MAF: variants seen among roughly 807,000 people sequenced by gnomAD.
The protein encoded by MAF is MAF bZIP transcription factor, also known as transcription factor Maf.
In MAF, 10 loss-of-function variants were observed where a neutral mutation model predicts 22.0. The ratio of observed to expected loss-of-function variants is 0.45; its 90% confidence interval spans 0.28 to 0.77. The LOEUF is 0.77. MAF is among the 30% of genes least tolerant of loss of function. The probability of loss-of-function intolerance (pLI) is 0.12; values close to 1 mark genes in which losing one functional copy is unlikely to be tolerated. For missense variants in MAF, 544 were observed against 548.4 expected (o/e 0.99, Z 0.08); for synonymous variants, 337 against 255.8 (o/e 1.32, Z -3.03).
At chr16:79,547,881 CGTGT>C in the MAF span, among the ~76,000 whole-genome samples, 15 of 142,748 alleles carry the variant, frequency 1.1e-4, no homozygotes, top group African/African-American at 3.1e-4. Context: ...TGTGTGTGTG[CGTGT>C]GTGTGTGTGT....
At chr16:79,224,534 A>G in the MAF span, among the ~76,000 whole-genome samples, 6 of 152,182 alleles carry the variant, frequency 3.9e-5, no homozygotes, top group African/African-American at 1.2e-4. Context: ...AGAAAGAAAT[A>G]AAGGGTATTC....
the MAF span, among the ~76,000 whole-genome samples, chr16:79,297,614 C>T: frequency 2.5e-3 from 388 of 152,276 alleles, no homozygotes; most frequent in African/African-American, 8.7e-3. Context: ...GAGAATCCAA[C>T]GCGATGATAC....
At chr16:79,551,012 G>A in the MAF span, among the ~76,000 whole-genome samples, 1,178 of 152,218 alleles carry the variant, frequency 7.7e-3, 12 homozygotes, top group African/African-American at 0.026. Flanking sequence ...GAGATCCCCC[G>A]CATGGGGAGC....
chr16:79,302,671 C>T, the MAF span, among the ~76,000 whole-genome samples: 2 of 152,168 alleles, frequency 1.3e-5, no homozygotes, highest in Non-Finnish European at 2.9e-5. Context: ...AGCACAAATC[C>T]CCCTGCAGGC....
At chr16:79,427,547 T>C in the MAF span, among the ~76,000 whole-genome samples, 2 of 152,200 alleles carry the variant, frequency 1.3e-5, no homozygotes, top group Admixed American at 1.3e-4. Flanking sequence ...CATTGGCAGC[T>C]GGGCACTGCT....
the MAF span, among the ~76,000 whole-genome samples, chr16:79,370,082 C>G: frequency 2.7e-3 from 406 of 152,280 alleles, 2 homozygotes; most frequent in African/African-American, 9.4e-3. Flanking sequence ...CTGGGTCAAC[C>G]TGAGTAGGCA....
intron 1 of MAF, chr16:79,596,559 G>A (rs1407855743): frequency 9.5e-7 from 1 of 1,048,522 alleles, no homozygotes. Flanking sequence ...AAAGCACATA[G>A]GAACAACACG....
At chr16:79,265,215 G>T in the MAF span, among the ~76,000 whole-genome samples, 4 of 152,098 alleles carry the variant, frequency 2.6e-5, no homozygotes, top group African/African-American at 9.7e-5. Context: ...TATTCCCCCT[G>T]TTTAATCTAA....
chr16:79,246,853 T>TTTTCAATAATTTTCCATCTACC, the MAF span, among the ~76,000 whole-genome samples: 1 of 148,124 alleles, frequency 6.8e-6, no homozygotes, highest in African/African-American at 2.4e-5. Flanking sequence ...TCCATCCATC[T>TTTTCAATAATTTTCCATCTACC]TTTCAATAAT....
At chr16:79,374,885 G>C in the MAF span, among the ~76,000 whole-genome samples, 3 of 152,212 alleles carry the variant, frequency 2.0e-5, no homozygotes, top group South Asian at 4.1e-4. Context: ...TCAGGGTGGG[G>C]TATGAAAATG....
the MAF span, chr16:79,264,430 G>T: frequency 6.6e-6 from 1 of 152,210 alleles, no homozygotes; most frequent in African/African-American, 2.4e-5. Context: ...CTTGCTCAAA[G>T]CCTTGCCCTG....
the MAF span, among the ~76,000 whole-genome samples, chr16:79,427,899 G>A: frequency 1.3e-5 from 2 of 152,022 alleles, no homozygotes; most frequent in Non-Finnish European, 2.9e-5. Context: ...GAACCTAGGG[G>A]ATGCTTAACA....
chr16:79,589,485 G>GA (rs774982205), downstream of MAF, among the ~76,000 whole-genome samples: 1,123 of 148,224 alleles, frequency 7.6e-3, 9 homozygotes, highest in African/African-American at 0.016. Flanking sequence ...ACCGAAGCAG[G>GA]AAAAAAAAAG....
chr16:79,212,831 G>A, the MAF span: 2 of 152,148 alleles, frequency 1.3e-5, no homozygotes, highest in Non-Finnish European at 2.9e-5. Context: ...GTGAGTTTGT[G>A]TTTTGTTTTT....
the MAF span, among the ~76,000 whole-genome samples, chr16:79,439,049 G>T: frequency 6.6e-6 from 1 of 152,044 alleles, no homozygotes; most frequent in African/African-American, 2.4e-5. Flanking sequence ...ATATTGTCGT[G>T]TCCCCTAGCT....
At chr16:79,324,268 T>C in the MAF span, among the ~76,000 whole-genome samples, 1 of 152,204 alleles carries the variant, frequency 6.6e-6, no homozygotes, top group Non-Finnish European at 1.5e-5. Context: ...AAACAGAACC[T>C]GTTGGTATTA....
the MAF span, among the ~76,000 whole-genome samples, chr16:79,355,587 T>C: frequency 6.6e-6 from 1 of 152,164 alleles, no homozygotes. Flanking sequence ...GAACGTCCTA[T>C]CTCCCTGGTT....
At chr16:79,560,408 C>A in the MAF span, among the ~76,000 whole-genome samples, 14 of 148,380 alleles carry the variant, frequency 9.4e-5, no homozygotes, top group Non-Finnish European at 2.1e-4. Flanking sequence ...TACGAACGAA[C>A]AAAAAGCAAG....
the MAF span, among the ~76,000 whole-genome samples, chr16:79,458,038 G>A: frequency 8.8e-3 from 1,320 of 149,658 alleles, 17 homozygotes; most frequent in African/African-American, 0.027. Flanking sequence ...ATGGATGATC[G>A]AAAAGAAGAA....
Sources: gnomAD v4.1 joint callset for allele counts (sites outside exome capture counted in the v4.1 genomes callset) on GRCh38, gnomAD v4.1.1 for gene constraint, MANE v1.5 for transcripts, NCBI Gene and HGNC (gene_info 2026-07-23, HGNC 2026-07-21) for gene names.